The following POMK variants were observed in gnomAD, a reference collection of about 807,000 sequenced individuals.
POMK encodes the protein protein O-mannose kinase.
POMK carries 19 observed loss-of-function variants against 23.0 expected under a neutral mutation model. The ratio of observed to expected loss-of-function variants is 0.83; its 90% CI spans 0.58 to 1.21. The LOEUF is 1.21. POMK is among the 50% of genes most tolerant of loss of function. The probability of loss-of-function intolerance (pLI) is 0.00; values close to 1 mark genes in which losing one functional copy is unlikely to be tolerated. For missense variants in POMK, 410 were observed against 431.3 expected, an observed-to-expected ratio of 0.95 and a Z score of 0.44; for synonymous variants, 173 against 171.6, an observed-to-expected ratio of 1.01 and a Z score of -0.06.
intron 4 of POMK, among the ~76,000 whole-genome samples, chr8:43,105,341 T>C (rs1289450131): frequency 6.6e-6 from 1 of 152,238 alleles, no homozygotes; most frequent in East Asian, 1.9e-4. Flanking sequence ...TCGCCTTTGC[T>C]CTACCCTTCC....
intron 4 of POMK, among the ~76,000 whole-genome samples, chr8:43,105,506 C>T (rs1288797714): frequency 1.3e-5 from 2 of 152,198 alleles, no homozygotes; most frequent in Non-Finnish European, 2.9e-5. Context: ...CCATAAATGA[C>T]AGATTTCCTT....
chr8:43,100,546 G>A (rs942521885), intron 2 of POMK, among the ~76,000 whole-genome samples: 1 of 151,854 alleles, frequency 6.6e-6, no homozygotes, highest in African/African-American at 2.4e-5. Flanking sequence ...GGGTAGGAGA[G>A]AATGGGGTGC....
At chr8:43,095,144 C>G (rs1268002094) in intron 1 of POMK, among the ~76,000 whole-genome samples, 3 of 152,168 alleles carry the variant, frequency 2.0e-5, no homozygotes, top group African/African-American at 7.2e-5. Context: ...GTTCAACTCC[C>G]GAGCATTGCG....
intron 4 of POMK, among the ~76,000 whole-genome samples, chr8:43,110,769 C>A (rs993482785): frequency 2.0e-5 from 3 of 152,112 alleles, no homozygotes; most frequent in Non-Finnish European, 1.5e-5. Context: ...CTAATATTAG[C>A]CGGGCGTTGT....
chr8:43,111,135 C>T (rs1358883025), intron 4 of POMK, among the ~76,000 whole-genome samples: 1 of 152,098 alleles, frequency 6.6e-6, no homozygotes, highest in African/African-American at 2.4e-5. Context: ...ATTGCCCCAC[C>T]CGGGAAGCGT....
chr8:43,122,152 C>G lies in POMK; in HGVS notation c.328C>G (p.Leu110Val). ...WKEHKVALSQ[L>V]TSLEMKDDFL... ...GGAGCACAAAGTTGCACTCTCACAG[C>G]TCACCAGCCTGGAGATGAAAGATGA... Residue 110 changes from leucine to valine, a missense_variant, in exon 5 of 5, where the codon CTC becomes GTC. Transcript: ENST00000331373. The G allele has an allele frequency of 6.2e-7, 1 of 1,614,182 alleles. No homozygotes were observed.
At chr8:43,109,245 C>A (rs4512420) in intron 4 of POMK, among the ~76,000 whole-genome samples, 132,501 of 152,218 alleles carry the variant, frequency 0.87, 58,546 homozygotes, top group Non-Finnish European at 0.96. Context: ...CAAAAATTTT[C>A]AAAAGGAAAA....
In POMK at chr8:43,123,057, ATT is replaced by A. The variant is rs370821504; in HGVS notation, c.*192_*193del. On this transcript the variant is annotated 3_prime_UTR_variant, in exon 5 of 5. Coordinates refer to ENST00000331373, the MANE Select transcript of POMK (RefSeq NM_032237.5). ...GTATGTAGTCCACATTGGTTGTTAG[ATT>A]TTTTTTTTTTTCTTTGAGATGCGGT... 5.7e-4 allele frequency: 270 copies of A among 471,160 alleles called. No individual in the cohort carries two copies. Among genetic ancestry groups the A allele is most frequent in the Middle Eastern group, 1.2e-3 (2 of 1,704 alleles). The allele number at this position is 471,160 out of a possible 1,614,324, so 29.2% of individuals were successfully genotyped here.
intron 4 of POMK, among the ~76,000 whole-genome samples, chr8:43,118,860 G>A (rs1466273552): frequency 6.6e-6 from 1 of 152,188 alleles, no homozygotes; most frequent in African/African-American, 2.4e-5. Flanking sequence ...CTGGAGTGCA[G>A]TGGCCTGATC....
chr8:43,121,661 C>T (rs1811918621), intron 4 of POMK, among the ~76,000 whole-genome samples: 1 of 152,230 alleles, frequency 6.6e-6, no homozygotes, highest in Non-Finnish European at 1.5e-5. Flanking sequence ...CCTGCCTCCT[C>T]TTCCTCCCCA....
chr8:43,094,930 T>G (rs1811302125), intron 1 of POMK, among the ~76,000 whole-genome samples: 6 of 152,124 alleles, frequency 3.9e-5, no homozygotes, highest in Admixed American at 3.3e-4. Context: ...ACCAGTAAAT[T>G]TCAGTGGTTT....
chr8:43,096,488 CG>C (rs1811337475), intron 1 of POMK, among the ~76,000 whole-genome samples: 1 of 151,924 alleles, frequency 6.6e-6, no homozygotes. Flanking sequence ...AGTGAAACTC[CG>C]TCTCTATTAA....
chr8:43,123,062 T>C lies in POMK; in HGVS notation c.*185T>C. The C allele has an allele frequency of 1.7e-6, 1 of 586,850 alleles. No homozygotes were observed. The highest frequency in any genetic ancestry group is 2.2e-5 in the South Asian group (1 of 45,182). 36.4% of individuals were successfully genotyped at this position (586,850 alleles called of 1,614,324 possible). On this transcript the variant is annotated 3_prime_UTR_variant, in exon 5 of 5. Transcript: ENST00000331373. The stretch of plus-strand genomic sequence containing the variant: ...TAGTCCACATTGGTTGTTAGATTTT[T>C]TTTTTTTTCTTTGAGATGCGGTCTT...
At chr8:43,112,167 G>A (rs1258308018) in intron 4 of POMK, among the ~76,000 whole-genome samples, 2 of 151,726 alleles carry the variant, frequency 1.3e-5, no homozygotes, top group African/African-American at 2.4e-5. Context: ...TAAAAACTTC[G>A]AAAAAAAATT....
chr8:43,113,862 T>C (rs921867116), intron 4 of POMK, among the ~76,000 whole-genome samples: 1 of 152,266 alleles, frequency 6.6e-6, no homozygotes, highest in African/African-American at 2.4e-5. Flanking sequence ...TGTTGGAGTT[T>C]GCTAGAGGTC....
At chr8:43,114,564 G>C (rs747589613) in intron 4 of POMK, among the ~76,000 whole-genome samples, 1 of 152,230 alleles carries the variant, frequency 6.6e-6, no homozygotes, top group Non-Finnish European at 1.5e-5. Context: ...TGCGCTTCCT[G>C]AGTGAGGCAC....
intron 2 of POMK, among the ~76,000 whole-genome samples, chr8:43,099,762 CTGTT>C (rs1586669889): frequency 1.3e-5 from 2 of 152,104 alleles, no homozygotes; most frequent in East Asian, 1.9e-4. Context: ...TGGTAACACA[CTGTT>C]TGTAGTAATA....
At chr8:43,105,114 C>T (rs1195999014) in intron 4 of POMK, among the ~76,000 whole-genome samples, 1 of 152,130 alleles carries the variant, frequency 6.6e-6, no homozygotes, top group East Asian at 1.9e-4. Flanking sequence ...GTTTCCATAC[C>T]TACTTACAGT....
intron 4 of POMK, among the ~76,000 whole-genome samples, chr8:43,104,689 A>C (rs1341690788): frequency 6.6e-6 from 1 of 152,212 alleles, no homozygotes; most frequent in African/African-American, 2.4e-5. Context: ...TTATACATGT[A>C]ATCCCAGCAC....
Sources: gnomAD v4.1 joint callset for allele counts (sites outside exome capture counted in the v4.1 genomes callset) on GRCh38, gnomAD v4.1.1 for gene constraint, MANE v1.5 for transcripts, NCBI Gene and HGNC (gene_info 2026-07-23, HGNC 2026-07-21) for gene names.